The following PRDM16 variants were observed in gnomAD, a reference collection of about 807,000 sequenced individuals.
PRDM16 encodes the protein histone-lysine N-methyltransferase PRDM16.
In PRDM16, 23 loss-of-function variants were observed where a neutral mutation model predicts 110.6. The ratio of observed to expected loss-of-function variants is 0.21; its 90% CI spans 0.15 to 0.29. The LOEUF is 0.29. PRDM16 is among the 10% of genes least tolerant of loss of function. The pLI is 1.00. For synonymous variants in PRDM16, 799 were observed against 781.8 expected (o/e 1.02, Z -0.37); for missense variants, 1,615 against 1,794.3 (o/e 0.90, Z 1.81).
In PRDM16 at chr1:3,085,087, G is replaced by A. The variant is rs150847646; in HGVS notation, c.37+15791G>A. On this transcript the variant is annotated intron_variant, in intron 1 of 16. Transcript: ENST00000270722. Reference sequence around the variant, plus strand: ...CTCTCTGTGTCAATGGACAGCCTAGGCAGCAGAATAGTTACTTCTCACTGC... The same window carrying A: ...CTCTCTGTGTCAATGGACAGCCTAGACAGCAGAATAGTTACTTCTCACTGC... Among the ~76,000 whole-genome samples, 1,255 of 152,342 alleles carry A rather than the reference G, an allele frequency of 8.2e-3. 15 individuals carry two copies. Among genetic ancestry groups the A allele is most frequent in the African/African-American group, 0.028 (1,182 of 41,576 alleles).
intron 3 of PRDM16, among the ~76,000 whole-genome samples, chr1:3,376,334 C>T (rs989568163): frequency 8.5e-5 from 13 of 152,218 alleles, no homozygotes; most frequent in African/African-American, 2.9e-4. Context: ...CTGCCCAGCA[C>T]TGACACAAAA....
At position 3,382,125 on chromosome 1, in the gene PRDM16, C is replaced by G. The variant is rs886748346; in HGVS notation, c.439-3027C>G. Among the ~76,000 whole-genome samples, 6 of 152,216 alleles carry G rather than the reference C, an allele frequency of 3.9e-5. No individual in the cohort carries two copies. The highest frequency in any genetic ancestry group is 1.4e-4 in the African/African-American group (6 of 41,458). On this transcript the variant is annotated intron_variant, in intron 3 of 16. Coordinates refer to ENST00000270722, the MANE Select transcript of PRDM16 (RefSeq NM_022114.4). This position sits in a 1 kb window ranked among gnomAD's most constrained non-coding sequence, Gnocchi z 6.6. ...GCAGTCAGGGTGGGAGGTGAGGGGG[C>G]CCTAAGAGGCCTTTGTGCCTGGGGA...
intron 1 of PRDM16, among the ~76,000 whole-genome samples, 194 bp from the exon 2 acceptor site, chr1:3,185,931 C>G (rs1438960414): frequency 6.6e-6 from 1 of 152,228 alleles, no homozygotes; most frequent in African/African-American, 2.4e-5. Context: ...TCTGGAGCCT[C>G]TGACATCGAG....
intron 14 of PRDM16, among the ~76,000 whole-genome samples, chr1:3,430,332 A>G (rs1056734225): frequency 6.6e-6 from 1 of 152,158 alleles, no homozygotes; most frequent in Non-Finnish European, 1.5e-5. Context: ...GTCCCCCCAC[A>G]GGCTCCGAAG....
At chr1:3,240,917 G>T (rs1156421499) in intron 2 of PRDM16, among the ~76,000 whole-genome samples, 2 of 152,228 alleles carry the variant, frequency 1.3e-5, no homozygotes, top group African/African-American at 2.4e-5. Context: ...TGGCTAAAAC[G>T]CTTAATCAAA....
Position 3,157,401 on chromosome 1 carries a change from C to T in PRDM16, c.38-28724C>T, listed in dbSNP as rs2100733890. 6.8e-6 allele frequency among the ~76,000 whole-genome samples: 1 copy of T among 147,902 alleles called. No homozygotes were observed. Among genetic ancestry groups the T allele is most frequent in the Non-Finnish European group, 1.5e-5 (1 of 67,482 alleles). ...GATCTGGGGACCTGCCCCCAGGCTC[C>T]CAGGCCTTTTGCGATCCCATTAAAA... is the stretch of plus-strand genomic sequence containing the variant. On this transcript the variant is annotated intron_variant, in intron 1 of 16. Transcript: ENST00000270722. The surrounding 1 kb of genome is among the most constrained non-coding windows in gnomAD (Gnocchi z 4.8).
rs775562105 is a variant in PRDM16 at position 3,425,773 on chromosome 1, G to GC, written c.3109+28dup. ...CAGGTGGGCCACGCGGGGTGGGGCA[G>GC]CCCCCAGAGCACCCACACGGGCAGG... On this transcript the variant is annotated intron_variant, in intron 13 of 16. Transcript: ENST00000270722. The surrounding 1 kb of genome is among the most constrained non-coding windows in gnomAD (Gnocchi z 6.9). The GC allele has an allele frequency of 3.7e-6, 6 of 1,611,900 alleles. No homozygotes were observed. In the African/African-American group the frequency reaches 8.0e-5, roughly 22 times the overall value.
Position 3,412,342 on chromosome 1 carries a change from G to A in PRDM16, c.2145G>A (p.Lys715=). Residue 715 remains lysine (K), a synonymous_variant, in exon 9 of 17, where the codon AAG becomes AAA. Transcript: ENST00000270722. The part of the protein sequence containing the change: ...GPGFMGMQEK[K]LGSLPYHSAF... ...GCTTCATGGGGATGCAGGAGAAGAA[G>A]CTGGGCTCGCTCCCCTACCACTCGG... 1 of 1,613,764 alleles carries A rather than the reference G, an allele frequency of 6.2e-7. No individual in the cohort carries two copies. Among genetic ancestry groups the A allele is most frequent in the Non-Finnish European group, 8.5e-7 (1 of 1,180,026 alleles).
intron 3 of PRDM16, among the ~76,000 whole-genome samples, chr1:3,377,571 G>A (rs1332675945): frequency 6.6e-6 from 1 of 152,246 alleles, no homozygotes; most frequent in Non-Finnish European, 1.5e-5. Context: ...CCGGCGCCGG[G>A]GAGTGGGAGA....
chr1:3,200,921 G>C (rs373803545), intron 2 of PRDM16, among the ~76,000 whole-genome samples: 2 of 152,036 alleles, frequency 1.3e-5, no homozygotes, highest in East Asian at 1.9e-4. Context: ...AGGAGGAAGA[G>C]AGGAGGAAGA....
chr1:3,193,937 C>T (rs949691693), intron 2 of PRDM16, among the ~76,000 whole-genome samples: 1 of 152,180 alleles, frequency 6.6e-6, no homozygotes, highest in African/African-American at 2.4e-5. Context: ...TGACCAACCT[C>T]CCTGTTTGCC....
intron 3 of PRDM16, among the ~76,000 whole-genome samples, chr1:3,250,614 A>G (rs2100216735): frequency 6.6e-6 from 1 of 152,174 alleles, no homozygotes; most frequent in South Asian, 2.1e-4. Flanking sequence ...ATTACCTGCT[A>G]TGCTGGTGCC....
chr1:3,411,263 G>A (rs193203311), intron 8 of PRDM16, 121 bp from the exon 9 acceptor site: 25 of 1,005,198 alleles, frequency 2.5e-5, no homozygotes, highest in Admixed American at 7.0e-5. Context: ...CAGACAGACT[G>A]CTTCCAGCCC....
chr1:3,428,899 G>T (rs960606250), intron 14 of PRDM16, among the ~76,000 whole-genome samples: 1 of 152,260 alleles, frequency 6.6e-6, no homozygotes, highest in African/African-American at 2.4e-5. Flanking sequence ...TCTTAAAAAG[G>T]GGGCACTTGG....
At chr1:3,111,945 A>AGGGCAGGAAGAAAGGCTGAT (rs1642806010) in intron 1 of PRDM16, among the ~76,000 whole-genome samples, 1 of 152,176 alleles carries the variant, frequency 6.6e-6, no homozygotes, top group East Asian at 1.9e-4. Context: ...ATTGAGAGGG[A>AGGGCAGGAAGAAAGGCTGAT]GGGCAGGAAG....
chr1:3,293,930 G>A (rs1009949401), intron 3 of PRDM16, among the ~76,000 whole-genome samples: 1 of 152,186 alleles, frequency 6.6e-6, no homozygotes, highest in South Asian at 2.1e-4. Context: ...TGCCGGCAGT[G>A]TGTGAGTGCG....
chr1:3,092,949 G>A (rs547251494), intron 1 of PRDM16, among the ~76,000 whole-genome samples: 129 of 152,224 alleles, frequency 8.5e-4, no homozygotes, highest in African/African-American at 2.9e-3. Flanking sequence ...TCGGGCCCCT[G>A]GGTCCCCTCA....
intron 1 of PRDM16, among the ~76,000 whole-genome samples, chr1:3,160,197 C>A (rs1643886877): frequency 6.6e-6 from 1 of 152,200 alleles, no homozygotes; most frequent in African/African-American, 2.4e-5. Context: ...CCCTGGGGAT[C>A]CCCGGTGAGG....
At position 3,186,486 on chromosome 1, in the gene PRDM16, C is replaced by T. The variant is rs371946677; in HGVS notation, c.387+12C>T. 3.2e-5 allele frequency: 46 copies of T among 1,456,078 alleles called. No homozygotes were observed. Among genetic ancestry groups the T allele is most frequent in the African/African-American group, 2.3e-4 (16 of 70,506 alleles). 90.2% of individuals were successfully genotyped at this position (1,456,078 alleles called of 1,614,324 possible). A position where few individuals can be genotyped will look rare whatever the true frequency, so the allele number is the denominator to read the frequency against. ...ACTTCGGATGGGAGGTGAGCGATCGCGCCTGAGTATGATTGATCACGGCCA... is the reference window on the plus strand; with the variant it reads ...ACTTCGGATGGGAGGTGAGCGATCGTGCCTGAGTATGATTGATCACGGCCA... On this transcript the variant is annotated intron_variant, in intron 2 of 16. Transcript: ENST00000270722.
Sources: allele counts gnomAD v4.1 joint callset (sites outside exome capture counted in the v4.1 genomes callset), GRCh38; gene constraint gnomAD v4.1.1; non-coding constraint Gnocchi (gnomAD v3.1); transcripts MANE v1.5; gene names NCBI Gene and HGNC (gene_info 2026-07-23, HGNC 2026-07-21).